Variants in ANAPC1 observed in about 807,000 individuals in gnomAD.
The protein encoded by ANAPC1 is anaphase promoting complex subunit 1.
ANAPC1 carries 36 observed loss-of-function variants against 208.0 expected under a neutral mutation model. That is an observed-to-expected ratio of 0.17 (90% CI 0.13 to 0.23). ANAPC1 has a LOEUF of 0.23. Among genes scored for constraint, ANAPC1 ranks in the 10% least tolerant of loss-of-function variants. The pLI is 1.00. For missense variants in ANAPC1, 942 were observed against 2,011.6 expected (o/e 0.47, Z 10.17); for synonymous variants, 378 against 695.2 (o/e 0.54, Z 7.18).
Position 111,772,359 on chromosome 2 carries a change from G to T in ANAPC1, c.5701C>A (p.Pro1901Thr). The change falls in exon 47 of 48, where the codon CCA (proline) becomes ACA (threonine). Residue 1901 changes from proline (P) to threonine (T), a missense_variant. Physicochemically the swap from Pro to Thr is conservative, Grantham distance 38 (BLOSUM62 -1). Coordinates refer to ENST00000341068, the MANE Select transcript of ANAPC1 (RefSeq NM_022662.4). ...YHSVPAPQHL[P>T]PIGLEGSTSF... ...CAATTACCTTCTAGTCCTATAGGTGGCAGGTGCTGTGGAGCTGGCACAGAG... is the reference window on the plus strand; with the variant it reads ...CAATTACCTTCTAGTCCTATAGGTGTCAGGTGCTGTGGAGCTGGCACAGAG... 1 of 1,612,438 alleles carries T rather than the reference G, an allele frequency of 6.2e-7. No homozygotes were observed.
chr2:111,840,228 A>T (rs1390494433), intron 17 of ANAPC1, among the ~76,000 whole-genome samples: 1 of 152,154 alleles, frequency 6.6e-6, no homozygotes, highest in Non-Finnish European at 1.5e-5. Context: ...TTGTGTAACG[A>T]GTCATTGGCA....
chr2:111,797,324 G>GTTTAA (rs1456515016), intron 34 of ANAPC1, among the ~76,000 whole-genome samples: 1 of 152,030 alleles, frequency 6.6e-6, no homozygotes, highest in Non-Finnish European at 1.5e-5. Flanking sequence ...GTATTACAGA[G>GTTTAA]TTTAGCACGT....
intron 13 of ANAPC1, among the ~76,000 whole-genome samples, chr2:111,851,300 A>G (rs1043245836): frequency 6.6e-6 from 1 of 152,104 alleles, no homozygotes; most frequent in Non-Finnish European, 1.5e-5. Flanking sequence ...ACAGGGTTTC[A>G]CCATGTTATC....
chr2:111,811,240 CTCTT>C (rs1678980533), intron 28 of ANAPC1, among the ~76,000 whole-genome samples: 1 of 149,254 alleles, frequency 6.7e-6, no homozygotes. Flanking sequence ...AGTTATGTGT[CTCTT>C]TGAGAAATTG....
rs568362311 is a variant in ANAPC1 at position 111,858,551 on chromosome 2, G to A, written c.1263-150C>T. 1.2e-4 allele frequency: 57 copies of A among 466,656 alleles called. No individual in the cohort carries two copies. The South Asian group carries it at 1.3e-3, about 11-fold the overall frequency. 28.9% of individuals were successfully genotyped at this position (466,656 alleles called of 1,614,324 possible). A position where few individuals can be genotyped will look rare whatever the true frequency, so the allele number is the denominator to read the frequency against. On this transcript the variant is annotated intron_variant, in intron 10 of 47. Transcript: ENST00000341068. ...CGAGGCGGGCAGATCACGAGGTCAG[G>A]AGATCCAGACTATCCTGGCTAACAC...
At chr2:111,818,981 C>A in intron 26 of ANAPC1, 23 bp from the exon 27 acceptor site, 1 of 1,609,666 alleles carries the variant, frequency 6.2e-7, no homozygotes, top group Non-Finnish European at 8.5e-7. Context: ...TAAAAACCAA[C>A]ATATGAAAAT....
intron 17 of ANAPC1, among the ~76,000 whole-genome samples, chr2:111,840,816 G>C (rs1680721511): frequency 6.6e-6 from 1 of 152,230 alleles, no homozygotes; most frequent in Admixed American, 6.5e-5. Context: ...GCCAAGGTGG[G>C]AGGATCACTT....
chr2:111,769,248 G>C lies in ANAPC1; in HGVS notation c.*43C>G. 6.2e-7 allele frequency: 1 copy of C among 1,611,894 alleles called. No individual in the cohort carries two copies. The highest frequency in any genetic ancestry group is 2.2e-5 in the East Asian group (1 of 44,814). ...GCTTTGATGTTTGGTCACGTTTGTT[G>C]TGCAGAAGTCACGTTTCAGGGTAGG... On this transcript the variant is annotated 3_prime_UTR_variant, in exon 48 of 48. Coordinates refer to ENST00000341068, the MANE Select transcript of ANAPC1 (RefSeq NM_022662.4).
At chr2:111,870,517 T>C (rs557962654) in intron 6 of ANAPC1, among the ~76,000 whole-genome samples, 2 of 151,828 alleles carry the variant, frequency 1.3e-5, no homozygotes, top group East Asian at 3.9e-4. Context: ...TATCTTCTTT[T>C]GAGAACTGTC....
intron 43 of ANAPC1, among the ~76,000 whole-genome samples, chr2:111,781,018 G>A (rs1677242969): frequency 6.6e-6 from 1 of 151,252 alleles, no homozygotes; most frequent in Non-Finnish European, 1.5e-5. Flanking sequence ...GTGCAACAAT[G>A]TGAATGCACT....
rs1216669758 is a variant in ANAPC1, at chr2:111,768,433, G to A, written c.*858C>T. ...ATACCACAGACTGGGTGGTTTCAACGACGGAAATGTATTTTCTTGCAATTC... is the reference window on the plus strand; with the variant it reads ...ATACCACAGACTGGGTGGTTTCAACAACGGAAATGTATTTTCTTGCAATTC... On this transcript the variant is annotated 3_prime_UTR_variant, in exon 48 of 48. Transcript: ENST00000341068. The A allele has an allele frequency of 5.3e-5, 8 of 151,672 alleles. 1 individual carries two copies. Among genetic ancestry groups the A allele is most frequent in the Admixed American group, 3.3e-4 (5 of 15,242 alleles). The allele number at this position is 151,672 out of a possible 1,614,324, so 9.4% of individuals were successfully genotyped here. A position where few individuals can be genotyped will look rare whatever the true frequency, so the allele number is the denominator to read the frequency against.
chr2:111,769,680 T>C (rs2367694), intron 47 of ANAPC1, among the ~76,000 whole-genome samples: 1 of 30,358 alleles, frequency 3.3e-5, no homozygotes, highest in African/African-American at 1.2e-4. Flanking sequence ...ACTGGCTTTC[T>C]TTTTTTTTTT....
At position 111,838,422 on chromosome 2, in the gene ANAPC1, A is replaced by G. The variant is rs1345065337; in HGVS notation, c.2115+16T>C. On this transcript the variant is annotated intron_variant, in intron 18 of 47. Transcript: ENST00000341068. Reference sequence around the variant, plus strand: ...CCATAAATTAATTTATATTAGCAAGAAATAATAATGCTTACATCATCAGAT... The same window carrying G: ...CCATAAATTAATTTATATTAGCAAGGAATAATAATGCTTACATCATCAGAT... 4 of 1,579,686 alleles carry G rather than the reference A, an allele frequency of 2.5e-6. No homozygotes were observed. In the African/African-American group the frequency reaches 5.5e-5, roughly 22 times the overall value.
At position 111,841,134 on chromosome 2, in the gene ANAPC1, G is replaced by C. The variant is rs541767141; in HGVS notation, c.2040+2278C>G. On this transcript the variant is annotated intron_variant, in intron 17 of 47. Coordinates refer to ENST00000341068, the MANE Select transcript of ANAPC1 (RefSeq NM_022662.4). ...AGCAATTCCTTCATGTGCTGAAATA[G>C]ACACAAACTCTTAAAAACAGTATCT... 2.0e-4 allele frequency among the ~76,000 whole-genome samples: 31 copies of C among 152,208 alleles called. No homozygotes were observed. In the South Asian group the frequency reaches 6.4e-3, roughly 32 times the overall value.
chr2:111,877,670 G>T (rs1384003929), intron 3 of ANAPC1, among the ~76,000 whole-genome samples: 1 of 152,124 alleles, frequency 6.6e-6, no homozygotes, highest in African/African-American at 2.4e-5. Context: ...TGCAGTCCCA[G>T]CTACTCGGGA....
chr2:111,775,144 T>C (rs919863067), intron 46 of ANAPC1, among the ~76,000 whole-genome samples: 3 of 152,134 alleles, frequency 2.0e-5, no homozygotes, highest in Non-Finnish European at 2.9e-5. Flanking sequence ...CGTGCACCTG[T>C]AATCCCAGCT....
chr2:111,863,857 T>A lies in ANAPC1; in HGVS notation c.870A>T (p.Gly290=). Residue 290 remains glycine (G), a synonymous_variant, in exon 9 of 48, where the codon GGA becomes GGT. Coordinates refer to ENST00000341068, the MANE Select transcript of ANAPC1 (RefSeq NM_022662.4). ...TGCTAGTGGCCACATTCTGTGGGGT[T>A]CCCCCCTGTTCAGAGAACTTTAAAA... The part of the protein sequence containing the change: ...NVVLKFSEQG[G]TPQNVATSSS... 2 of 1,612,728 alleles carry A rather than the reference T, an allele frequency of 1.2e-6. No individual in the cohort carries two copies. The highest frequency in any genetic ancestry group is 3.3e-4 in the Middle Eastern group (2 of 6,050).
chr2:111,794,301 C>A lies in ANAPC1; in HGVS notation c.4396G>T (p.Ala1466Ser). ...AAACCCAGAGACAAGCAGGCTCCTG[C>A]AATTATGTAGACATGTGCTTGGCTG... ...TLSQAHVYIIAGACLSLGFRF... is the reference protein window; with the variant it reads ...TLSQAHVYIISGACLSLGFRF... The change falls in exon 36 of 48, where the codon GCA (alanine) becomes TCA (serine). Residue 1466 changes from alanine to serine, a missense_variant. Ala to Ser is a moderately conservative substitution (Grantham distance 99). Transcript: ENST00000341068. 1.2e-6 allele frequency: 2 copies of A among 1,612,692 alleles called. No homozygotes were observed. The highest frequency in any genetic ancestry group is 8.5e-7 in the Non-Finnish European group (1 of 1,179,442).
At chr2:111,833,415 T>C (rs1374474845) in intron 19 of ANAPC1, 104 bp from the exon 20 acceptor site, 3 of 1,341,898 alleles carry the variant, frequency 2.2e-6, no homozygotes, top group Admixed American at 5.7e-5. Flanking sequence ...AACTTACATA[T>C]GAGAAAGATA....
Sources: gnomAD v4.1 joint callset for allele counts (sites outside exome capture counted in the v4.1 genomes callset) on GRCh38, gnomAD v4.1.1 for gene constraint, MANE v1.5 for transcripts, NCBI Gene and HGNC (gene_info 2026-07-23, HGNC 2026-07-21) for gene names.